The following REV1 variants were observed in gnomAD, a reference collection of about 807,000 sequenced individuals.
The protein encoded by REV1 is REV1 DNA directed polymerase.
In REV1, 42 loss-of-function variants were observed where a neutral mutation model predicts 137.4. The ratio of observed to expected loss-of-function variants is 0.31; its 90% CI spans 0.24 to 0.40. The LOEUF (loss-of-function observed/expected upper bound fraction) is 0.40, where lower values mean the gene tolerates loss of function less well. REV1 is among the 10% of genes least tolerant of loss of function. The probability of loss-of-function intolerance (pLI) is 1.00; values close to 1 mark genes in which losing one functional copy is unlikely to be tolerated. For synonymous variants in REV1, 524 were observed against 519.2 expected, an observed-to-expected ratio of 1.01 and a Z score of -0.12; for missense variants, 1,282 against 1,490.1, an observed-to-expected ratio of 0.86 and a Z score of 2.30.
chr2:99,416,425 T>C (rs1677866001), intron 12 of REV1, among the ~76,000 whole-genome samples: 1 of 152,132 alleles, frequency 6.6e-6, no homozygotes, highest in South Asian at 2.1e-4. Flanking sequence ...AGAAGGGAGA[T>C]ATTTTATAGA....
chr2:99,481,270 C>T (rs145079403), intron 1 of REV1, among the ~76,000 whole-genome samples: 2 of 152,270 alleles, frequency 1.3e-5, no homozygotes, highest in African/African-American at 4.8e-5. Context: ...AGATTTTTTA[C>T]AGCCAATTAT....
At position 99,404,609 on chromosome 2, in the gene REV1, G is replaced by A. The variant is rs143147015; in HGVS notation, c.2880C>T (p.Val960=). 8.7e-6 allele frequency: 14 copies of A among 1,613,878 alleles called. No individual in the cohort carries two copies. In the African/African-American group the frequency reaches 1.7e-4, roughly 20 times the overall value. Residue 960 remains valine (V), a synonymous_variant, in exon 18 of 23, where the codon GTC becomes GTT. Transcript: ENST00000258428. Reference sequence around the variant, plus strand: ...TGTCGCCATGTGACTCTGCTTGCTGGACAGCACAGACTTGCTCTACTTGTT... The same window carrying A: ...TGTCGCCATGTGACTCTGCTTGCTGAACAGCACAGACTTGCTCTACTTGTT... ...LREQVEQVCA[V]QQAESHGDKK...
At chr2:99,430,360 T>G (rs1450660628) in intron 8 of REV1, among the ~76,000 whole-genome samples, 1 of 152,214 alleles carries the variant, frequency 6.6e-6, no homozygotes, top group Non-Finnish European at 1.5e-5. Context: ...TAAATTTCTC[T>G]GAATATTCTT....
At chr2:99,455,717 T>G (rs1185526714) in intron 3 of REV1, among the ~76,000 whole-genome samples, 1 of 152,198 alleles carries the variant, frequency 6.6e-6, no homozygotes, top group African/African-American at 2.4e-5. Context: ...AAAATTAGAC[T>G]TGTCAACACT....
At chr2:99,417,998 T>C (rs778349400) in intron 12 of REV1, among the ~76,000 whole-genome samples, 10 of 152,222 alleles carry the variant, frequency 6.6e-5, no homozygotes, top group Non-Finnish European at 1.5e-4. Flanking sequence ...TTAAGTTATA[T>C]ACTACGGGGG....
At chr2:99,407,066 A>C (rs1676403239) in intron 15 of REV1, 1 of 128,838 alleles carries the variant, frequency 7.8e-6, no homozygotes, top group South Asian at 2.4e-4. Flanking sequence ...CATAAAACTA[A>C]ACCTACAAAG....
intron 1 of REV1, among the ~76,000 whole-genome samples, chr2:99,470,069 C>T (rs1287416025): frequency 2.0e-5 from 3 of 150,564 alleles, no homozygotes; most frequent in Non-Finnish European, 2.9e-5. Context: ...TGCAGTGAGC[C>T]GAGATTGCAC....
intron 9 of REV1, among the ~76,000 whole-genome samples, chr2:99,427,403 C>T (rs1445771139): frequency 6.6e-6 from 1 of 152,210 alleles, no homozygotes; most frequent in Admixed American, 6.5e-5. Context: ...TTGCTCTCTA[C>T]TGTAAGTATA....
intron 3 of REV1, among the ~76,000 whole-genome samples, chr2:99,459,992 A>G (rs1446202547): frequency 6.6e-6 from 1 of 152,188 alleles, no homozygotes; most frequent in Non-Finnish European, 1.5e-5. Context: ...ACAAGAAGGG[A>G]CACCACAGCT....
chr2:99,468,868 G>A (rs1407550261), intron 1 of REV1, among the ~76,000 whole-genome samples: 2 of 151,990 alleles, frequency 1.3e-5, no homozygotes, highest in East Asian at 1.9e-4. Context: ...AGTGAAAATC[G>A]AGTGAGACTA....
At chr2:99,473,867 A>G (rs1000025189) in intron 1 of REV1, among the ~76,000 whole-genome samples, 1 of 152,214 alleles carries the variant, frequency 6.6e-6, no homozygotes, top group African/African-American at 2.4e-5. Flanking sequence ...TTCTTGGGAC[A>G]TTCTCTATTA....
intron 5 of REV1, 96 bp from the exon 6 acceptor site, chr2:99,439,406 T>C: frequency 2.6e-6 from 2 of 763,234 alleles, no homozygotes; most frequent in Non-Finnish European, 4.0e-6. Flanking sequence ...CACAGTTTGG[T>C]ATTTCCCCCT....
Position 99,438,625 on chromosome 2 carries a change from A to C in REV1, c.1189T>G (p.Ser397Ala), listed in dbSNP as rs754523853. Residue 397 changes from serine to alanine, a missense_variant, in exon 6 of 23, where the codon TCT (serine) becomes GCT (alanine). Coordinates refer to ENST00000258428, the MANE Select transcript of REV1 (RefSeq NM_016316.4). The stretch of plus-strand genomic sequence containing the variant: ...CCTGTGTCAGTTACAACAAGTGCAG[A>C]CCTGCCTGTTTTCATTTTTTTTAAC... ...EKLKKMKTGR[S>A]ALVVTDTGDM... The C allele has an allele frequency of 6.2e-7, 1 of 1,613,440 alleles. No individual in the cohort carries two copies. Among genetic ancestry groups the C allele is most frequent in the Non-Finnish European group, 8.5e-7 (1 of 1,179,820 alleles).
At chr2:99,420,056 T>C (rs1308740529) in intron 11 of REV1, among the ~76,000 whole-genome samples, 1 of 152,112 alleles carries the variant, frequency 6.6e-6, no homozygotes, top group East Asian at 1.9e-4. Flanking sequence ...TGATCACTTA[T>C]AAATGAAAAT....
intron 10 of REV1, among the ~76,000 whole-genome samples, chr2:99,422,649 A>C (rs1678836056): frequency 1.3e-5 from 2 of 152,198 alleles, no homozygotes; most frequent in Admixed American, 6.5e-5. Flanking sequence ...GACAGGGAGA[A>C]TATGAAGCTG....
At chr2:99,415,170 CT>C (rs1018505844) in intron 12 of REV1, among the ~76,000 whole-genome samples, 1 of 152,122 alleles carries the variant, frequency 6.6e-6, no homozygotes, top group African/African-American at 2.4e-5. Context: ...AAGAGGGCTG[CT>C]AGTTTTAACT....
At chr2:99,419,073 A>T in intron 11 of REV1, 126 bp from the exon 12 acceptor site, 2 of 812,138 alleles carry the variant, frequency 2.5e-6, no homozygotes, top group Non-Finnish European at 3.8e-6. Context: ...TGATTATTTC[A>T]AATAAGGTGT....
chr2:99,471,337 G>A (rs1685387763), intron 1 of REV1, among the ~76,000 whole-genome samples: 1 of 152,040 alleles, frequency 6.6e-6, no homozygotes, highest in African/African-American at 2.4e-5. Context: ...CATTCAATGA[G>A]GAAAGGACAA....
chr2:99,447,928 A>G (rs1346114894), intron 4 of REV1, among the ~76,000 whole-genome samples: 1 of 151,574 alleles, frequency 6.6e-6, no homozygotes, highest in Non-Finnish European at 1.5e-5. Flanking sequence ...ATGTTGGCCA[A>G]GCTGGTCTCT....
Sources: allele counts gnomAD v4.1 joint callset (sites outside exome capture counted in the v4.1 genomes callset), GRCh38; gene constraint gnomAD v4.1.1; transcripts MANE v1.5; gene names NCBI Gene and HGNC (gene_info 2026-07-23, HGNC 2026-07-21).